Variants in LCA5 observed in about 807,000 individuals in gnomAD.
LCA5 encodes lebercilin LCA5, also known as lebercilin.
A neutral mutation model predicts 53.0 loss-of-function variants in LCA5; 37 were observed. The ratio of observed to expected loss-of-function variants is 0.70; its 90% CI spans 0.54 to 0.92. The LOEUF is 0.92. Ranked by LOEUF, LCA5 falls within the 40% of genes least tolerant of loss-of-function variation. LCA5 has a pLI of 0.00. For missense variants in LCA5, 806 were observed against 790.5 expected, an observed-to-expected ratio of 1.02 and a Z score of -0.23; for synonymous variants, 303 against 282.9, an observed-to-expected ratio of 1.07 and a Z score of -0.71.
intron 1 of LCA5, among the ~76,000 whole-genome samples, chr6:79,533,197 A>C (rs1767006613): frequency 1.3e-5 from 2 of 152,284 alleles, no homozygotes; most frequent in Admixed American, 1.3e-4. Context: ...TGTAGACATA[A>C]TACTATTGAA....
chr6:79,495,968 G>C (rs755228704), intron 3 of LCA5, among the ~76,000 whole-genome samples: 3 of 151,940 alleles, frequency 2.0e-5, no homozygotes, highest in African/African-American at 4.8e-5. Flanking sequence ...ATCTGTATCT[G>C]TCCCACAAAA....
intron 1 of LCA5, among the ~76,000 whole-genome samples, chr6:79,520,812 G>C (rs1304785111): frequency 6.6e-6 from 1 of 152,116 alleles, no homozygotes; most frequent in Non-Finnish European, 1.5e-5. Flanking sequence ...TAATCTCTAG[G>C]ATATACAGAG....
chr6:79,519,689 C>G (rs1241358067), intron 1 of LCA5, among the ~76,000 whole-genome samples: 1 of 147,452 alleles, frequency 6.8e-6, no homozygotes. Flanking sequence ...TGAACTCCAG[C>G]CTGGTGACAG....
chr6:79,504,063 A>G (rs1297913283), intron 3 of LCA5, among the ~76,000 whole-genome samples: 1 of 152,176 alleles, frequency 6.6e-6, no homozygotes. Flanking sequence ...GAATGATAAT[A>G]ACCACAAGAA....
chr6:79,514,689 G>C (rs1016661965), intron 2 of LCA5, among the ~76,000 whole-genome samples: 2 of 152,240 alleles, frequency 1.3e-5, no homozygotes, highest in African/African-American at 4.8e-5. Context: ...CCATAAGAAA[G>C]AATGAGATCA....
chr6:79,526,841 G>A (rs374204413), intron 1 of LCA5, among the ~76,000 whole-genome samples: 2 of 152,048 alleles, frequency 1.3e-5, no homozygotes, highest in African/African-American at 4.8e-5. Context: ...AAAAAACTTG[G>A]GATTGTCCCC....
chr6:79,493,678 A>G lies in LCA5; in HGVS notation c.793T>C (p.Tyr265His). Residue 265 changes from tyrosine (Y) to histidine (H), a missense_variant, in exon 4 of 8, where the codon TAT becomes CAT. Transcript: ENST00000369846. ...RQLLAERKRA[Y>H]EAHDENKVLQ... ...ACTTTATTTTCATCATGAGCCTCAT[A>G]TGCCCTTTTCCTTTCAGCAAGCAAC... The G allele has an allele frequency of 1.2e-6, 2 of 1,613,718 alleles. No homozygotes were observed. Among genetic ancestry groups the G allele is most frequent in the South Asian group, 1.1e-5 (1 of 91,080 alleles).
intron 7 of LCA5, chr6:79,488,775 C>A: frequency 2.3e-6 from 1 of 437,588 alleles, no homozygotes; most frequent in Non-Finnish European, 3.9e-6. Flanking sequence ...TATGTAAGAA[C>A]ACCACAAGTA....
chr6:79,530,717 G>C (rs1766934081), intron 1 of LCA5, among the ~76,000 whole-genome samples: 1 of 151,942 alleles, frequency 6.6e-6, no homozygotes, highest in Admixed American at 6.6e-5. Flanking sequence ...CTAGAGAATG[G>C]AAACTTAGAC....
chr6:79,524,974 T>G (rs929907172), intron 1 of LCA5, among the ~76,000 whole-genome samples: 4 of 151,918 alleles, frequency 2.6e-5, no homozygotes, highest in African/African-American at 7.2e-5. Flanking sequence ...TTTCAAAGAG[T>G]TTTTTTCAAT....
intron 1 of LCA5, among the ~76,000 whole-genome samples, chr6:79,534,139 G>A (rs62413363): frequency 0.077 from 11,531 of 149,856 alleles, 625 homozygotes; most frequent in Non-Finnish European, 0.12. Context: ...ATGTCCCCAC[G>A]TATTTATAAG....
Position 79,513,256 on chromosome 6 carries a change from C to T in LCA5, c.676G>A (p.Val226Ile). Residue 226 changes from valine to isoleucine, a missense_variant, in exon 3 of 8, where the codon GTT (valine) becomes ATT (isoleucine). Physicochemically the swap from Val to Ile is conservative, Grantham distance 29. Coordinates refer to ENST00000369846, the MANE Select transcript of LCA5 (RefSeq NM_001122769.3). ...PERDDLAKKLVSAELKLDDTE... is the reference protein window; with the variant it reads ...PERDDLAKKLISAELKLDDTE... Reference sequence around the variant, plus strand: ...TCATCTAACTTTAACTCTGCTGAAACTAGTTTCTTTGCCAAATCATCTCGT... The same window carrying T: ...TCATCTAACTTTAACTCTGCTGAAATTAGTTTCTTTGCCAAATCATCTCGT... 6.2e-7 allele frequency: 1 copy of T among 1,613,716 alleles called. No homozygotes were observed. The highest frequency in any genetic ancestry group is 8.5e-7 in the Non-Finnish European group (1 of 1,179,784).
rs911876559 is a variant in LCA5, at chr6:79,485,931, C to T, written c.*1073G>A. 6.6e-6 allele frequency: 1 copy of T among 152,116 alleles called. No individual in the cohort carries two copies. Among genetic ancestry groups the T allele is most frequent in the Non-Finnish European group, 1.5e-5 (1 of 68,020 alleles). The allele number at this position is 152,116 out of a possible 1,614,324, so 9.4% of individuals were successfully genotyped here. On this transcript the variant is annotated 3_prime_UTR_variant, in exon 8 of 8. Transcript: ENST00000369846. ...AAGTGAATTACAAACAGCCAAAAGA[C>T]CAATGCATTTAAACAGAAAACTATC...
At chr6:79,497,618 G>A (rs1770016863) in intron 3 of LCA5, among the ~76,000 whole-genome samples, 1 of 152,166 alleles carries the variant, frequency 6.6e-6, no homozygotes, top group African/African-American at 2.4e-5. Flanking sequence ...GGCTAGAAAG[G>A]TGGACAATTC....
In LCA5 at chr6:79,513,357, G is replaced by C. The variant is rs762035119; in HGVS notation, c.575C>G (p.Thr192Arg). Residue 192 changes from threonine (T) to arginine (R), a missense_variant, in exon 3 of 8, where the codon ACA becomes AGA. Physicochemically the swap from Thr to Arg is moderately conservative, Grantham distance 71. Coordinates refer to ENST00000369846, the MANE Select transcript of LCA5 (RefSeq NM_001122769.3). The stretch of plus-strand genomic sequence containing the variant: ...TTTTGTCCTAAATAGTTCACTTTCT[G>C]TATCTTTTACCCTTTTCTCAGTTGC... ...ERATEKRVKD[T>R]ESELFRTKFS... 2 of 1,613,756 alleles carry C rather than the reference G, an allele frequency of 1.2e-6. No homozygotes were observed. The highest frequency in any genetic ancestry group is 1.3e-5 in the African/African-American group (1 of 74,976).
intron 1 of LCA5, chr6:79,525,090 G>C (rs750557052): frequency 1.3e-5 from 2 of 151,724 alleles, no homozygotes; most frequent in Non-Finnish European, 2.9e-5. Flanking sequence ...GCATTACTGA[G>C]GTAATATATT....
chr6:79,520,164 CTT>C (rs35754856), intron 1 of LCA5, among the ~76,000 whole-genome samples: 1 of 149,888 alleles, frequency 6.7e-6, no homozygotes, highest in East Asian at 1.9e-4. Flanking sequence ...TAGTACAGTA[CTT>C]TTTTTTTAAT....
chr6:79,518,782 A>G lies in LCA5; in HGVS notation c.113T>C (p.Leu38Pro). ...ETPQSSGRSSLVSSSPASVRR... is the reference protein window; with the variant it reads ...ETPQSSGRSSPVSSSPASVRR... ...AACACTTGCAGGTGAAGAACTGACCAGCGATGATCGGCCAGAAGACTGTGG... is the reference window on the plus strand; with the variant it reads ...AACACTTGCAGGTGAAGAACTGACCGGCGATGATCGGCCAGAAGACTGTGG... Residue 38 changes from leucine (L) to proline (P), a missense_variant, in exon 2 of 8, where the codon CTG (leucine) becomes CCG (proline). Leu to Pro is a moderately conservative substitution (Grantham distance 98). Coordinates refer to ENST00000369846, the MANE Select transcript of LCA5 (RefSeq NM_001122769.3). 3 of 1,614,178 alleles carry G rather than the reference A, an allele frequency of 1.9e-6. No homozygotes were observed. Among genetic ancestry groups the G allele is most frequent in the Non-Finnish European group, 2.5e-6 (3 of 1,180,022 alleles).
intron 3 of LCA5, among the ~76,000 whole-genome samples, chr6:79,512,337 C>T (rs1374959075): frequency 2.0e-5 from 3 of 152,088 alleles, no homozygotes; most frequent in South Asian, 2.1e-4. Flanking sequence ...AAAATAGCCG[C>T]TTTTTCTGGC....
Sources: allele counts gnomAD v4.1 joint callset (sites outside exome capture counted in the v4.1 genomes callset), GRCh38; gene constraint gnomAD v4.1.1; transcripts MANE v1.5; gene names NCBI Gene and HGNC (gene_info 2026-07-23, HGNC 2026-07-21).